SORCS2: variants seen among roughly 807,000 people sequenced by gnomAD.
SORCS2 encodes the protein sortilin related VPS10 domain containing receptor 2.
A neutral mutation model predicts 141.6 loss-of-function variants in SORCS2; 100 were observed. That is an observed-to-expected ratio of 0.71 (90% confidence interval 0.60 to 0.83). The LOEUF (loss-of-function observed/expected upper bound fraction) is 0.83. Ranked by LOEUF, SORCS2 falls within the 40% of genes least tolerant of loss-of-function variation. The pLI, the probability that SORCS2 is intolerant of heterozygous loss-of-function variation, is 0.00. For missense variants in SORCS2, 1,646 were observed against 1,560.2 expected (o/e 1.05, Z -0.93); for synonymous variants, 789 against 676.9 (o/e 1.17, Z -2.57).
chr4:7,240,405 G>A (rs1440027247), intron 1 of SORCS2, among the ~76,000 whole-genome samples: 3 of 152,184 alleles, frequency 2.0e-5, no homozygotes, highest in Non-Finnish European at 4.4e-5. Flanking sequence ...TACGTAACGC[G>A]GGGCCATCCA....
chr4:7,410,870 G>A (rs1389063981), intron 2 of SORCS2, among the ~76,000 whole-genome samples: 2 of 151,516 alleles, frequency 1.3e-5, no homozygotes, highest in African/African-American at 4.9e-5. Flanking sequence ...AAGATCTGAG[G>A]TGACTGAGAA....
At chr4:7,691,688 C>T (rs1396418207) in intron 11 of SORCS2, among the ~76,000 whole-genome samples, 2 of 152,254 alleles carry the variant, frequency 1.3e-5, no homozygotes, top group South Asian at 2.1e-4. Context: ...CACGCACAGA[C>T]AGGCTCACCA....
Position 7,510,172 on chromosome 4 carries a change from C to A in SORCS2, c.549-21358C>A, listed in dbSNP as rs190852947. Among the ~76,000 whole-genome samples, 10 of 152,352 alleles carry A rather than the reference C, an allele frequency of 6.6e-5. No individual in the cohort carries two copies. The East Asian group carries it at 1.9e-3, about 29-fold the overall frequency. ...GTTTCGGCATTGCTGCCTCGGCAGT[C>A]CCAGATTGAAACCGATGTGGATGCA... is the stretch of plus-strand genomic sequence containing the variant. On this transcript the variant is annotated intron_variant, in intron 2 of 26. Coordinates refer to ENST00000507866, the MANE Select transcript of SORCS2 (RefSeq NM_020777.3).
intron 2 of SORCS2, among the ~76,000 whole-genome samples, chr4:7,482,318 G>A (rs1281758471): frequency 2.8e-5 from 1 of 35,166 alleles, no homozygotes; most frequent in Non-Finnish European, 5.4e-5. Context: ...GACACCCCTG[G>A]CTGCTGTTCA....
At chr4:7,555,419 A>C (rs1315934347) in intron 3 of SORCS2, among the ~76,000 whole-genome samples, 1 of 152,218 alleles carries the variant, frequency 6.6e-6, no homozygotes, top group Non-Finnish European at 1.5e-5. Flanking sequence ...GCAGGAGCAC[A>C]AATGCCCTCC....
chr4:7,725,082 G>A, intron 19 of SORCS2, 72 bp from the exon 20 acceptor site: 1 of 1,521,146 alleles, frequency 6.6e-7, no homozygotes, highest in South Asian at 1.2e-5. Flanking sequence ...TGGTGACAGT[G>A]ATCACTAAGC....
chr4:7,325,045 T>A (rs573955833), intron 1 of SORCS2, among the ~76,000 whole-genome samples: 2 of 152,262 alleles, frequency 1.3e-5, no homozygotes, highest in African/African-American at 4.8e-5. Flanking sequence ...GCACAGGACC[T>A]TGGGCTGCAG....
At chr4:7,612,592 C>G (rs1327478178) in intron 3 of SORCS2, among the ~76,000 whole-genome samples, 2 of 152,182 alleles carry the variant, frequency 1.3e-5, no homozygotes, top group Non-Finnish European at 2.9e-5. Flanking sequence ...GCCCTGCTCC[C>G]CTGGGCCCCA....
chr4:7,535,982 C>A (rs528328927), intron 3 of SORCS2, among the ~76,000 whole-genome samples: 1 of 152,346 alleles, frequency 6.6e-6, no homozygotes, highest in East Asian at 1.9e-4. Context: ...ACTAACAGGG[C>A]GGCATATGTT....
intron 1 of SORCS2, among the ~76,000 whole-genome samples, chr4:7,365,729 C>G (rs1721842605): frequency 6.6e-6 from 1 of 152,296 alleles, no homozygotes; most frequent in South Asian, 2.1e-4. Context: ...GGCACACCTG[C>G]AATTTATGGT....
rs577624719 is a variant in SORCS2 at position 7,729,728 on chromosome 4, G to A, written c.3108+16G>A. Reference sequence around the variant, plus strand: ...GAGTGATAAGGTATGTCCTGTGGCCGCTGCACTCCCAGGTCCTCCCTGCAC... The same window carrying A: ...GAGTGATAAGGTATGTCCTGTGGCCACTGCACTCCCAGGTCCTCCCTGCAC... On this transcript the variant is annotated intron_variant, in intron 23 of 26. Coordinates refer to ENST00000507866, the MANE Select transcript of SORCS2 (RefSeq NM_020777.3). The A allele has an allele frequency of 1.0e-5, 16 of 1,605,970 alleles. No individual in the cohort carries two copies. The highest frequency in any genetic ancestry group is 4.5e-5 in the East Asian group (2 of 44,626).
In SORCS2 at chr4:7,307,976, C is replaced by T. The variant is rs547999730; in HGVS notation, c.481-88312C>T. On this transcript the variant is annotated intron_variant, in intron 1 of 26. Transcript: ENST00000507866. ...CACAGTGTGTGTCTGAGTGTGTGTGCGCAGGCCTGTGTGTGTGCACAGAGT... is the reference window on the plus strand; with the variant it reads ...CACAGTGTGTGTCTGAGTGTGTGTGTGCAGGCCTGTGTGTGTGCACAGAGT... Among the ~76,000 whole-genome samples, 55 of 152,088 alleles carry T rather than the reference C, an allele frequency of 3.6e-4. 1 individual carries two copies. The highest frequency in any genetic ancestry group is 1.3e-3 in the Admixed American group (20 of 15,276).
intron 2 of SORCS2, among the ~76,000 whole-genome samples, chr4:7,459,868 C>T (rs923791309): frequency 4.6e-5 from 7 of 152,144 alleles, no homozygotes; most frequent in East Asian, 1.9e-4. Context: ...GAGAAGTACC[C>T]GGGCAGGTGG....
chr4:7,430,495 A>G (rs4302467), intron 2 of SORCS2: 130,495 of 152,266 alleles, frequency 0.86, 56,073 homozygotes, highest in East Asian at 0.94. Context: ...GGCAGCATCC[A>G]TAGGTGTTCT....
chr4:7,414,149 G>A (rs780686506), intron 2 of SORCS2, among the ~76,000 whole-genome samples: 2 of 152,180 alleles, frequency 1.3e-5, no homozygotes, highest in Non-Finnish European at 2.9e-5. Flanking sequence ...GGATGCAGGC[G>A]CTGCTTTAGG....
intron 1 of SORCS2, among the ~76,000 whole-genome samples, chr4:7,312,455 C>G (rs544938973): frequency 1.5e-4 from 23 of 151,496 alleles, no homozygotes; most frequent in African/African-American, 5.5e-4. Context: ...CCATTTCTCC[C>G]TTGGCCCCCT....
At chr4:7,465,560 C>G (rs1239905140) in intron 2 of SORCS2, among the ~76,000 whole-genome samples, 2 of 152,012 alleles carry the variant, frequency 1.3e-5, no homozygotes, top group Non-Finnish European at 2.9e-5. Flanking sequence ...TGTGTGTCCC[C>G]CTCTCCAGGG....
intron 1 of SORCS2, among the ~76,000 whole-genome samples, chr4:7,393,044 T>A (rs530217415): frequency 2.0e-5 from 3 of 152,238 alleles, no homozygotes; most frequent in Non-Finnish European, 4.4e-5. Context: ...GTGCACTGCC[T>A]TCCCCACGGC....
chr4:7,740,451 C>T lies in SORCS2; in HGVS notation c.*187C>T. The T allele has an allele frequency of 1.4e-5, 8 of 590,982 alleles. No individual in the cohort carries two copies. Among genetic ancestry groups the T allele is most frequent in the Non-Finnish European group, 2.1e-5 (7 of 331,080 alleles). The allele number at this position is 590,982 out of a possible 1,614,324, so 36.6% of individuals were successfully genotyped here. A position where few individuals can be genotyped will look rare whatever the true frequency, so the allele number is the denominator to read the frequency against. Reference sequence around the variant, plus strand: ...CCAGGCCCACGGGGGGCCCACGGGACCCCCCGGGACTCCCCGGACATGGCC... The same window carrying T: ...CCAGGCCCACGGGGGGCCCACGGGATCCCCCGGGACTCCCCGGACATGGCC... On this transcript the variant is annotated 3_prime_UTR_variant, in exon 27 of 27. Transcript: ENST00000507866.
Sources: gnomAD v4.1 joint callset for allele counts (sites outside exome capture counted in the v4.1 genomes callset) on GRCh38, gnomAD v4.1.1 for gene constraint, MANE v1.5 for transcripts, NCBI Gene and HGNC (gene_info 2026-07-23, HGNC 2026-07-21) for gene names.